Variants in METTL24 observed in about 807,000 individuals in gnomAD.
METTL24 encodes methyltransferase like 24.
METTL24 carries 29 observed loss-of-function variants against 32.7 expected under a neutral mutation model. The ratio of observed to expected loss-of-function variants is 0.89; its 90% CI spans 0.66 to 1.21. The LOEUF is 1.21. Ranked by LOEUF, METTL24 falls within the 50% of genes most tolerant of loss-of-function variation. The pLI, the probability that METTL24 is intolerant of heterozygous loss-of-function variation, is 0.00. For synonymous variants in METTL24, 163 were observed against 179.5 expected (o/e 0.91, Z 0.73); for missense variants, 439 against 468.1 (o/e 0.94, Z 0.57).
At chr6:110,319,848 T>G (rs1351990384) in intron 2 of METTL24, among the ~76,000 whole-genome samples, 1 of 152,182 alleles carries the variant, frequency 6.6e-6, no homozygotes, top group African/African-American at 2.4e-5. Context: ...TGCACAAGTC[T>G]AGGGGTGCCA....
At chr6:110,253,876 C>A in intron 4 of METTL24, 1 of 1,433,396 alleles carries the variant, frequency 7.0e-7, no homozygotes. Context: ...AAAATTTTCT[C>A]TCAAACAGAG....
intron 4 of METTL24, among the ~76,000 whole-genome samples, chr6:110,291,020 C>A (rs554788076): frequency 4.5e-4 from 69 of 152,122 alleles, no homozygotes; most frequent in Non-Finnish European, 9.0e-4. Context: ...GGTGGGGTGC[C>A]AGTTTAACTC....
chr6:110,260,913 T>C (rs1427450011), intron 4 of METTL24, among the ~76,000 whole-genome samples: 4 of 152,120 alleles, frequency 2.6e-5, no homozygotes, highest in Non-Finnish European at 5.9e-5. Flanking sequence ...GACAAGCAAA[T>C]GCTGAGAGAT....
At chr6:110,274,824 A>G (rs1347639162) in intron 4 of METTL24, among the ~76,000 whole-genome samples, 2 of 110,784 alleles carry the variant, frequency 1.8e-5, no homozygotes, top group Admixed American at 2.4e-4. Context: ...TTTTTTTGAG[A>G]CAGCCTCACT....
At chr6:110,323,829 G>A (rs1771973368) in intron 1 of METTL24, among the ~76,000 whole-genome samples, 1 of 152,228 alleles carries the variant, frequency 6.6e-6, no homozygotes, top group Admixed American at 6.5e-5. Flanking sequence ...TCATAGCATA[G>A]GTTTCCTGCA....
chr6:110,253,912 G>A, intron 4 of METTL24: 1 of 1,472,426 alleles, frequency 6.8e-7, no homozygotes, highest in Non-Finnish European at 9.0e-7. Flanking sequence ...AGAATCTGAA[G>A]GAGGTGACTG....
intron 2 of METTL24, 167 bp downstream of exon 2, chr6:110,322,607 T>C (rs915428760): frequency 2.0e-6 from 1 of 494,360 alleles, no homozygotes; most frequent in African/African-American, 1.9e-5. Flanking sequence ...AGGTATCTTA[T>C]CTGCCTCCAA....
intron 4 of METTL24, among the ~76,000 whole-genome samples, chr6:110,246,478 C>G (rs1460584413): frequency 1.3e-5 from 2 of 152,168 alleles, no homozygotes; most frequent in African/African-American, 4.8e-5. Context: ...AGATGGGGGT[C>G]TCGATATGTT....
chr6:110,261,500 C>A (rs193075840), intron 4 of METTL24, among the ~76,000 whole-genome samples: 6 of 152,118 alleles, frequency 3.9e-5, no homozygotes, highest in African/African-American at 1.4e-4. Flanking sequence ...CACTTAGACT[C>A]CCACACAATA....
At chr6:110,295,810 G>A (rs1380868536) in intron 4 of METTL24, among the ~76,000 whole-genome samples, 118 of 150,168 alleles carry the variant, frequency 7.9e-4, no homozygotes, top group African/African-American at 2.9e-3. Context: ...AGGAAGGAAG[G>A]AAGGAAGGAA....
intron 2 of METTL24, among the ~76,000 whole-genome samples, chr6:110,319,523 G>C (rs897844799): frequency 1.3e-5 from 2 of 152,098 alleles, no homozygotes; most frequent in Non-Finnish European, 2.9e-5. Context: ...AACAGCCACT[G>C]TTGCTTAGAT....
At chr6:110,315,503 G>A (rs749372382) in intron 2 of METTL24, 22 bp from the exon 3 acceptor site, 1 of 1,612,354 alleles carries the variant, frequency 6.2e-7, no homozygotes, top group Non-Finnish European at 8.5e-7. Flanking sequence ...GGAAATCAAT[G>A]TGAATAATTT....
intron 4 of METTL24, among the ~76,000 whole-genome samples, chr6:110,262,095 A>G (rs940954263): frequency 5.9e-5 from 9 of 152,332 alleles, no homozygotes; most frequent in African/African-American, 1.9e-4. Context: ...AAGCTAGCAG[A>G]AGGCAAGAAA....
At chr6:110,300,860 C>A (rs751760725) in intron 3 of METTL24, among the ~76,000 whole-genome samples, 2 of 152,116 alleles carry the variant, frequency 1.3e-5, no homozygotes, top group Non-Finnish European at 1.5e-5. Context: ...AAAATCAATA[C>A]AGTATAATCA....
At chr6:110,295,360 G>T (rs562934995) in intron 4 of METTL24, among the ~76,000 whole-genome samples, 43 of 152,288 alleles carry the variant, frequency 2.8e-4, no homozygotes, top group Non-Finnish European at 4.6e-4. Context: ...TCCCAGCCAA[G>T]GGAGGCAGAA....
In METTL24 at chr6:110,291,222, T is replaced by G. The variant is rs540304625; in HGVS notation, c.786+7700A>C. ...AGTCCAATTTATCTTTTTAAAATTTTTTTATGGTTTATGCTAAGAAATATA... is the reference window on the plus strand; with the variant it reads ...AGTCCAATTTATCTTTTTAAAATTTGTTTATGGTTTATGCTAAGAAATATA... On this transcript the variant is annotated intron_variant, in intron 4 of 4. Coordinates refer to ENST00000338882, the MANE Select transcript of METTL24 (RefSeq NM_001123364.3). Among the ~76,000 whole-genome samples the G allele has an allele frequency of 3.8e-3, 576 of 152,306 alleles. 3 individuals carry two copies. The highest frequency in any genetic ancestry group is 5.8e-3 in the Non-Finnish European group (394 of 68,004).
chr6:110,245,375 G>A lies in METTL24; in HGVS notation c.*571C>T, dbSNP rs1400173059. ...GATAGTCTAGTCTCTTTAACTCAGT[G>A]ACAGAATTTGGTGCATCCGAGTTCC... On this transcript the variant is annotated 3_prime_UTR_variant, in exon 5 of 5. Coordinates refer to ENST00000338882, the MANE Select transcript of METTL24 (RefSeq NM_001123364.3). Among the ~76,000 whole-genome samples the A allele has an allele frequency of 2.0e-5, 3 of 152,154 alleles. No homozygotes were observed. Among genetic ancestry groups the A allele is most frequent in the African/African-American group, 7.2e-5 (3 of 41,436 alleles).
chr6:110,247,165 T>C (rs1778182735), intron 4 of METTL24, among the ~76,000 whole-genome samples: 1 of 152,186 alleles, frequency 6.6e-6, no homozygotes, highest in South Asian at 2.1e-4. Flanking sequence ...TACCAAGTAG[T>C]TATATGTGCC....
intron 1 of METTL24, among the ~76,000 whole-genome samples, chr6:110,334,182 C>T (rs534551970): frequency 5.9e-5 from 9 of 152,244 alleles, no homozygotes; most frequent in East Asian, 1.9e-4. Flanking sequence ...ACCCGGGGGC[C>T]CACAGGGCTC....
Sources: gnomAD v4.1 joint callset for allele counts (sites outside exome capture counted in the v4.1 genomes callset) on GRCh38, gnomAD v4.1.1 for gene constraint, MANE v1.5 for transcripts, NCBI Gene and HGNC (gene_info 2026-07-23, HGNC 2026-07-21) for gene names.